Variants in SUMF1 observed in about 807,000 individuals in gnomAD.
The protein encoded by SUMF1 is sulfatase modifying factor 1.
A neutral mutation model predicts 47.6 loss-of-function variants in SUMF1; 48 were observed. That is an observed-to-expected ratio of 1.01 (90% CI 0.80 to 1.28). The LOEUF (loss-of-function observed/expected upper bound fraction) is 1.28, where lower values mean the gene tolerates loss of function less well. Ranked by LOEUF, SUMF1 falls within the 50% of genes most tolerant of loss-of-function variation. The probability of loss-of-function intolerance (pLI) is 0.00; values close to 1 mark genes in which losing one functional copy is unlikely to be tolerated. For missense variants in SUMF1, 571 were observed against 485.4 expected, an observed-to-expected ratio of 1.18 and a Z score of -1.66; for synonymous variants, 230 against 192.1, an observed-to-expected ratio of 1.20 and a Z score of -1.63.
At chr3:4,097,770 T>C (rs1692939168) in intron 8 of SUMF1, among the ~76,000 whole-genome samples, 1 of 152,076 alleles carries the variant, frequency 6.6e-6, no homozygotes, top group Non-Finnish European at 1.5e-5. Context: ...AGCATAGCCC[T>C]AGATTAACCA....
intron 8 of SUMF1, among the ~76,000 whole-genome samples, chr3:4,106,039 ATTGCTTTATCTGT>A (rs1165288117): frequency 1.3e-5 from 2 of 151,918 alleles, no homozygotes; most frequent in African/African-American, 2.4e-5. Context: ...ATTGGTCAAA[ATTGCTTTATCTGT>A]TTGCTTTATC....
At chr3:4,212,537 A>G (rs186925827) in intron 8 of SUMF1, among the ~76,000 whole-genome samples, 2 of 152,192 alleles carry the variant, frequency 1.3e-5, no homozygotes, top group Non-Finnish European at 2.9e-5. Flanking sequence ...CCAACAAGGG[A>G]GCAAAAATGG....
chr3:4,230,093 C>T (rs545086793), intron 8 of SUMF1, among the ~76,000 whole-genome samples: 1 of 151,740 alleles, frequency 6.6e-6, no homozygotes, highest in Admixed American at 6.6e-5. Context: ...ATAGAAGTTT[C>T]CCTAGAGCAT....
intron 8 of SUMF1, among the ~76,000 whole-genome samples, chr3:4,144,815 G>A (rs776437255): frequency 5.3e-5 from 8 of 152,148 alleles, no homozygotes; most frequent in Non-Finnish European, 1.0e-4. Flanking sequence ...TAATTCATGT[G>A]TGATAGCTTC....
intron 8 of SUMF1, among the ~76,000 whole-genome samples, chr3:4,323,855 A>G (rs1336469853): frequency 1.3e-5 from 2 of 152,172 alleles, no homozygotes; most frequent in African/African-American, 2.4e-5. Context: ...AGTCAGATAG[A>G]TAAGAGATAG....
At chr3:4,310,932 T>G (rs766211930) in intron 8 of SUMF1, among the ~76,000 whole-genome samples, 1 of 152,242 alleles carries the variant, frequency 6.6e-6, no homozygotes, top group Non-Finnish European at 1.5e-5. Context: ...CATTTACATT[T>G]GAACACTGAA....
chr3:4,279,545 G>A (rs1390808079), intron 8 of SUMF1, among the ~76,000 whole-genome samples: 3 of 152,058 alleles, frequency 2.0e-5, no homozygotes, highest in African/African-American at 2.4e-5. Flanking sequence ...AATAGTAGGC[G>A]CTATGATCCA....
At chr3:4,316,401 G>A (rs1402774409) in intron 8 of SUMF1, 3 of 1,571,990 alleles carry the variant, frequency 1.9e-6, no homozygotes, top group African/African-American at 1.4e-5. Context: ...TGAAGATGAG[G>A]AGCGTAGTGG....
At chr3:4,385,591 T>C (rs1434606504) in intron 7 of SUMF1, among the ~76,000 whole-genome samples, 1 of 152,236 alleles carries the variant, frequency 6.6e-6, no homozygotes. Flanking sequence ...TTATATCCTC[T>C]TAACAGGCTC....
At chr3:4,428,528 A>C (rs1295136990) in intron 3 of SUMF1, among the ~76,000 whole-genome samples, 1 of 151,878 alleles carries the variant, frequency 6.6e-6, no homozygotes, top group Admixed American at 6.6e-5. Flanking sequence ...TAATTTTTTC[A>C]ATTTTTGTAC....
chr3:4,078,941 G>A (rs780384972), intron 8 of SUMF1, among the ~76,000 whole-genome samples: 33 of 151,972 alleles, frequency 2.2e-4, no homozygotes, highest in Admixed American at 4.6e-4. Context: ...TGAAGAAGTC[G>A]CTGCAGAAGG....
chr3:4,221,426 TGTG>T (rs1696061592), intron 8 of SUMF1, among the ~76,000 whole-genome samples: 1 of 146,444 alleles, frequency 6.8e-6, no homozygotes, highest in East Asian at 1.9e-4. Flanking sequence ...TGTGTGTGTG[TGTG>T]TGTGTGTGTG....
intron 8 of SUMF1, among the ~76,000 whole-genome samples, chr3:4,288,431 A>G (rs1478297558): frequency 6.6e-6 from 1 of 152,056 alleles, no homozygotes; most frequent in African/African-American, 2.4e-5. Flanking sequence ...AATTACTATC[A>G]TGGGTCTCTG....
intron 8 of SUMF1, among the ~76,000 whole-genome samples, chr3:4,240,814 A>G (rs1176840993): frequency 6.6e-6 from 1 of 151,846 alleles, no homozygotes; most frequent in African/African-American, 2.4e-5. Flanking sequence ...TTATTTTTAT[A>G]TGTTTTTATA....
At chr3:4,132,263 C>T (rs192281778) in intron 8 of SUMF1, among the ~76,000 whole-genome samples, 1 of 152,286 alleles carries the variant, frequency 6.6e-6, no homozygotes, top group Admixed American at 6.5e-5. Flanking sequence ...CTGACCAAGG[C>T]ACTCACTTTA....
At chr3:4,348,836 T>C (rs535179173) in intron 8 of SUMF1, among the ~76,000 whole-genome samples, 29 of 152,196 alleles carry the variant, frequency 1.9e-4, no homozygotes, top group African/African-American at 6.7e-4. Context: ...GATCACGCCA[T>C]TGCACTCCAG....
At chr3:4,169,929 G>A (rs1694796310) in intron 8 of SUMF1, among the ~76,000 whole-genome samples, 1 of 152,020 alleles carries the variant, frequency 6.6e-6, no homozygotes, top group Non-Finnish European at 1.5e-5. Flanking sequence ...TAACTAAAAG[G>A]TTCTAAATTA....
intron 9 of SUMF1, among the ~76,000 whole-genome samples, chr3:4,047,762 C>G (rs1052161224): frequency 1.3e-5 from 2 of 152,112 alleles, no homozygotes; most frequent in African/African-American, 4.8e-5. Context: ...CCCTTGCAGT[C>G]AGACAATGCA....
intron 8 of SUMF1, among the ~76,000 whole-genome samples, chr3:4,257,867 C>A (rs1273766951): frequency 5.3e-5 from 8 of 151,268 alleles, no homozygotes; most frequent in Admixed American, 1.3e-4. Context: ...AACTATACTA[C>A]AAGGCTACAG....
Sources: allele counts gnomAD v4.1 joint callset (sites outside exome capture counted in the v4.1 genomes callset), GRCh38; gene constraint gnomAD v4.1.1; transcripts MANE v1.5; gene names NCBI Gene and HGNC (gene_info 2026-07-23, HGNC 2026-07-21).